Variants in CHD5 observed in about 807,000 individuals in gnomAD.
CHD5 encodes the protein chromodomain helicase DNA binding protein 5.
A neutral mutation model predicts 230.3 loss-of-function variants in CHD5; 69 were observed. That is an observed-to-expected ratio of 0.30 (90% CI 0.25 to 0.37). The LOEUF is 0.37. Among genes scored for constraint, CHD5 ranks in the 10% least tolerant of loss-of-function variants. CHD5 has a pLI of 1.00. For synonymous variants in CHD5, 1,064 were observed against 1,065.9 expected, an observed-to-expected ratio of 1.00 and a Z score of 0.03; for missense variants, 1,827 against 2,622.8, an observed-to-expected ratio of 0.70 and a Z score of 6.63.
At chr1:6,171,564 C>T (rs1434066877) in intron 1 of CHD5, among the ~76,000 whole-genome samples, 4 of 152,210 alleles carry the variant, frequency 2.6e-5, no homozygotes, top group African/African-American at 9.7e-5. Context: ...CCCTTTCTGC[C>T]CTTGGACACT....
rs979241658 is a variant in CHD5, at chr1:6,121,299, G to A, written c.4780-62C>T. The A allele has an allele frequency of 6.1e-5, 97 of 1,578,802 alleles. No individual in the cohort carries two copies. The highest frequency in any genetic ancestry group is 7.8e-5 in the Non-Finnish European group (91 of 1,162,958). ...GGCCTCACCAGGAACGGAGGGCGGG[G>A]AACGTGCGCTGGGCTGGGAACCCAG... On this transcript the variant is annotated intron_variant, in intron 32 of 41. Coordinates refer to ENST00000262450, the MANE Select transcript of CHD5 (RefSeq NM_015557.3). The surrounding 1 kb of genome is among the most constrained non-coding windows in gnomAD (Gnocchi z 4.5).
intron 11 of CHD5, 73 bp from the exon 12 acceptor site, chr1:6,144,228 C>T: frequency 4.4e-6 from 7 of 1,594,292 alleles, no homozygotes; most frequent in Non-Finnish European, 6.0e-6. Flanking sequence ...GGGCACCTCC[C>T]AGGATGCAGA....
intron 1 of CHD5, among the ~76,000 whole-genome samples, chr1:6,173,667 G>T (rs776876308): frequency 6.6e-6 from 1 of 152,182 alleles, no homozygotes; most frequent in African/African-American, 2.4e-5. Flanking sequence ...GCCTGCAGGG[G>T]CTCAGCAATG....
chr1:6,157,526 G>A (rs1300989754), intron 3 of CHD5, among the ~76,000 whole-genome samples: 1 of 152,184 alleles, frequency 6.6e-6, no homozygotes, highest in Admixed American at 6.5e-5. Flanking sequence ...TACTGCCTAG[G>A]CCCCGGAGCT....
chr1:6,113,054 C>A, intron 33 of CHD5, 56 bp from the exon 34 acceptor site: 1 of 1,230,552 alleles, frequency 8.1e-7, no homozygotes, highest in Non-Finnish European at 1.2e-6. Context: ...ACACAGAGGA[C>A]TCTGGGCTCG....
Position 6,144,611 on chromosome 1 carries a change from G to A in CHD5, c.1803-456C>T, listed in dbSNP as rs1666881804. On this transcript the variant is annotated intron_variant, in intron 11 of 41. Transcript: ENST00000262450. ...GAGTCATCTCTGCAAAGTAGATAAGGATGCAATTCCTGCGTGTGAGGTGGT... is the reference window on the plus strand; with the variant it reads ...GAGTCATCTCTGCAAAGTAGATAAGAATGCAATTCCTGCGTGTGAGGTGGT... 2.0e-5 allele frequency among the ~76,000 whole-genome samples: 3 copies of A among 152,250 alleles called. No individual in the cohort carries two copies. In the South Asian group the frequency reaches 6.2e-4, roughly 31 times the overall value.
intron 33 of CHD5, among the ~76,000 whole-genome samples, chr1:6,114,909 G>A (rs1474481256): frequency 6.6e-6 from 1 of 151,992 alleles, no homozygotes; most frequent in Non-Finnish European, 1.5e-5. Context: ...AGCTACTCAG[G>A]AGGCTGAGGC....
intron 1 of CHD5, among the ~76,000 whole-genome samples, chr1:6,171,295 G>T (rs1667334748): frequency 6.6e-6 from 1 of 152,104 alleles, no homozygotes. Context: ...CAGACCCTCT[G>T]CCCATGGACA....
intron 6 of CHD5, among the ~76,000 whole-genome samples, chr1:6,151,861 C>A (rs567120175): frequency 6.6e-6 from 1 of 152,164 alleles, no homozygotes; most frequent in Non-Finnish European, 1.5e-5. Context: ...ATGCCCCTCA[C>A]ACTCACAGAG....
chr1:6,177,576 G>A (rs570782916), intron 1 of CHD5, among the ~76,000 whole-genome samples: 25 of 152,284 alleles, frequency 1.6e-4, no homozygotes, highest in African/African-American at 6.0e-4. Flanking sequence ...CAGGAGGATC[G>A]CTTGAGCACA....
rs372589199 is a variant in CHD5, at chr1:6,128,544, T to A, written c.3685A>T (p.Asn1229Tyr). Reference sequence around the variant, plus strand: ...TTCTTCTTTGCACTGGCGGCCAAGTTCCCCCCTTTGGAGGACTGGACATCA... The same window carrying A: ...TTCTTCTTTGCACTGGCGGCCAAGTACCCCCCTTTGGAGGACTGGACATCA... ...IPDVQSSKGG[N>Y]LAASAKKKHG... is the part of the protein sequence containing the mutation. The change falls in exon 24 of 42, where the codon AAC (asparagine) becomes TAC (tyrosine). Residue 1229 changes from asparagine to tyrosine, a missense_variant. By Grantham distance (143) the Asn-to-Tyr change is moderately radical. This residue lies in a region of CHD5 where 25 missense variants were observed against 20.3 expected (regional missense o/e 1.23). Coordinates refer to ENST00000262450, the MANE Select transcript of CHD5 (RefSeq NM_015557.3). The surrounding 1 kb of genome is among the most constrained non-coding windows in gnomAD (Gnocchi z 7.8). 1.2e-6 allele frequency: 2 copies of A among 1,613,996 alleles called. No individual in the cohort carries two copies. Among genetic ancestry groups the A allele is most frequent in the Non-Finnish European group, 1.7e-6 (2 of 1,179,998 alleles).
chr1:6,111,878 G>C lies in CHD5; in HGVS notation c.5146C>G (p.His1716Asp). ...CGCTCCTCGTTCTGCCACAGCGTGT[G>C]CAACTCTGGGAAACAAGCCAAGGTG... ...NIADGGFTEL[H>D]TLWQNEERAA... Residue 1716 changes from histidine (H) to aspartate (D), a missense_variant, in exon 36 of 42, where the codon CAC (histidine) becomes GAC (aspartate). This residue lies in a region of CHD5 where 272 missense variants were observed against 263.2 expected (regional missense o/e 1.03). Coordinates refer to ENST00000262450, the MANE Select transcript of CHD5 (RefSeq NM_015557.3). 1 of 1,613,070 alleles carries C rather than the reference G, an allele frequency of 6.2e-7. No individual in the cohort carries two copies. Among genetic ancestry groups the C allele is most frequent in the Non-Finnish European group, 8.5e-7 (1 of 1,179,862 alleles).
At position 6,146,662 on chromosome 1, in the gene CHD5, C is replaced by A; in HGVS notation, c.1590+3G>T. On this transcript the variant is annotated splice_donor_region_variant and intron_variant, in intron 10 of 41. Transcript: ENST00000262450. The surrounding 1 kb of genome is among the most constrained non-coding windows in gnomAD (Gnocchi z 5.1). The stretch of plus-strand genomic sequence containing the variant: ...TAGCACAGCCACCCTCCCGGGCACT[C>A]ACCTGTAGCTCCTTCACCCAGGAGC... 3 of 1,613,836 alleles carry A rather than the reference C, an allele frequency of 1.9e-6. No individual in the cohort carries two copies. Among genetic ancestry groups the A allele is most frequent in the Non-Finnish European group, 2.5e-6 (3 of 1,179,956 alleles).
chr1:6,177,741 T>C (rs1667447780), intron 1 of CHD5, among the ~76,000 whole-genome samples: 1 of 152,080 alleles, frequency 6.6e-6, no homozygotes, highest in Admixed American at 6.5e-5. Flanking sequence ...GAGGCAGCGG[T>C]GAGCAGAGGA....
At position 6,155,522 on chromosome 1, in the gene CHD5, A is replaced by T; in HGVS notation, c.506+77T>A. On this transcript the variant is annotated intron_variant, in intron 4 of 41. Transcript: ENST00000262450. This position sits in a 1 kb window ranked among gnomAD's most constrained non-coding sequence, Gnocchi z 4.0. ...CCCCTACCCCAGGTGCCGGGGCTTC[A>T]CTCCTCTGCCTCCCTCCCGACTTGG... 7.7e-7 allele frequency: 1 copy of T among 1,300,494 alleles called. No individual in the cohort carries two copies. Among genetic ancestry groups the T allele is most frequent in the Non-Finnish European group, 1.1e-6 (1 of 900,602 alleles). 80.6% of individuals were successfully genotyped at this position (1,300,494 alleles called of 1,614,324 possible).
chr1:6,157,324 C>A (rs1374018348), intron 3 of CHD5, among the ~76,000 whole-genome samples: 2 of 152,224 alleles, frequency 1.3e-5, no homozygotes, highest in South Asian at 4.1e-4. Flanking sequence ...CAAGAAGCCC[C>A]GAGCTGCTGC....
intron 15 of CHD5, among the ~76,000 whole-genome samples, chr1:6,137,355 C>A (rs1335673034): frequency 1.3e-5 from 2 of 152,238 alleles, no homozygotes; most frequent in Non-Finnish European, 2.9e-5. Context: ...GAACCGCCCA[C>A]CTCGACCTCC....
intron 1 of CHD5, among the ~76,000 whole-genome samples, chr1:6,179,143 G>A (rs1404236181): frequency 1.3e-5 from 2 of 152,218 alleles, no homozygotes; most frequent in South Asian, 2.1e-4. Flanking sequence ...TAAATTCTGA[G>A]AGAGATAAAA....
In CHD5 at chr1:6,142,233, C is replaced by A; in HGVS notation, c.2331G>T (p.Val777=). ...EFEMWAPDFY[V]VTYTGDKESR... ...TCTCCTTGTCCCCCGTGTAGGTGACCACGTAGAAGTCGGGCGCCCACATCT... is the reference window on the plus strand; with the variant it reads ...TCTCCTTGTCCCCCGTGTAGGTGACAACGTAGAAGTCGGGCGCCCACATCT... Residue 777 remains valine (V), a synonymous_variant, in exon 15 of 42, where the codon GTG becomes GTT. Coordinates refer to ENST00000262450, the MANE Select transcript of CHD5 (RefSeq NM_015557.3). The surrounding 1 kb of genome is among the most constrained non-coding windows in gnomAD (Gnocchi z 5.2). The A allele has an allele frequency of 6.2e-7, 1 of 1,614,158 alleles. No homozygotes were observed. Among genetic ancestry groups the A allele is most frequent in the Non-Finnish European group, 8.5e-7 (1 of 1,180,008 alleles).
Sources: gnomAD v4.1 joint callset for allele counts (sites outside exome capture counted in the v4.1 genomes callset) on GRCh38, gnomAD v4.1.1 for gene constraint, gnomAD v4.1.1 regional missense constraint, Gnocchi (gnomAD v3.1) non-coding constraint, MANE v1.5 for transcripts, NCBI Gene and HGNC (gene_info 2026-07-23, HGNC 2026-07-21) for gene names.